Variants in SNCAIP observed in about 807,000 individuals in gnomAD.
SNCAIP encodes synphilin-1.
In SNCAIP, 43 loss-of-function variants were observed where a neutral mutation model predicts 86.7. The observed-to-expected ratio is 0.50, with a 90% CI of 0.39 to 0.64. The LOEUF is 0.64. Among genes scored for constraint, SNCAIP ranks in the 30% least tolerant of loss-of-function variants. The pLI is 0.00. For synonymous variants in SNCAIP, 417 were observed against 427.2 expected, an observed-to-expected ratio of 0.98 and a Z score of 0.29; for missense variants, 981 against 1,103.1, an observed-to-expected ratio of 0.89 and a Z score of 1.57.
intron 1 of SNCAIP, among the ~76,000 whole-genome samples, chr5:122,390,333 A>T (rs1035846441): frequency 5.3e-5 from 8 of 152,130 alleles, no homozygotes; most frequent in Admixed American, 5.2e-4. Context: ...GGATGATGAT[A>T]AGTGATGGGA....
chr5:122,423,628 G>A lies in SNCAIP; in HGVS notation c.891G>A (p.Gln297=). Residue 297 remains glutamine (Q), a synonymous_variant, in exon 4 of 11, where the codon CAG becomes CAA. Transcript: ENST00000261368. ...CAGCAGAATCCAAACCAGAAGAGCAGGTCAGTGGCCTAAACCGGACCAGCT... is the reference window on the plus strand; with the variant it reads ...CAGCAGAATCCAAACCAGAAGAGCAAGTCAGTGGCCTAAACCGGACCAGCT... ...SSAAESKPEE[Q]VSGLNRTSSQ... 1 of 1,613,704 alleles carries A rather than the reference G, an allele frequency of 6.2e-7. No homozygotes were observed. The highest frequency in any genetic ancestry group is 8.5e-7 in the Non-Finnish European group (1 of 1,180,022).
In SNCAIP at chr5:122,422,256, C is replaced by T. The variant is rs144193816; in HGVS notation, c.131-612C>T. 4.8e-3 allele frequency among the ~76,000 whole-genome samples: 737 copies of T among 152,262 alleles called. 8 individuals carry two copies. Among genetic ancestry groups the T allele is most frequent in the African/African-American group, 0.017 (700 of 41,542 alleles). On this transcript the variant is annotated intron_variant, in intron 3 of 10. Transcript: ENST00000261368. ...GGTTAACTCAACTATGTCTTCTCTCCCACAGTCCTTTCAACTCCTGAGCAC... is the reference window on the plus strand; with the variant it reads ...GGTTAACTCAACTATGTCTTCTCTCTCACAGTCCTTTCAACTCCTGAGCAC...
chr5:122,329,801 G>C (rs1754880420), intron 1 of SNCAIP, among the ~76,000 whole-genome samples: 1 of 152,150 alleles, frequency 6.6e-6, no homozygotes, highest in Non-Finnish European at 1.5e-5. Context: ...CAGTTTTCAA[G>C]TAAATATGGA....
intron 1 of SNCAIP, among the ~76,000 whole-genome samples, chr5:122,323,781 C>T (rs1171261764): frequency 2.6e-5 from 4 of 152,164 alleles, no homozygotes; most frequent in African/African-American, 9.7e-5. Flanking sequence ...CAAATTAGTA[C>T]AGAAATTCGA....
chr5:122,341,525 G>A (rs973792062), intron 1 of SNCAIP, among the ~76,000 whole-genome samples: 2 of 152,282 alleles, frequency 1.3e-5, no homozygotes, highest in Non-Finnish European at 2.9e-5. Context: ...AGGCAAACCC[G>A]CTTAAAGATT....
chr5:122,428,465 A>C (rs1295149777), intron 5 of SNCAIP, among the ~76,000 whole-genome samples: 1 of 152,172 alleles, frequency 6.6e-6, no homozygotes, highest in Non-Finnish European at 1.5e-5. Flanking sequence ...ACAGACATCT[A>C]ATAGAACACT....
chr5:122,444,385 T>G, intron 7 of SNCAIP, 178 bp from the exon 8 acceptor site: 1 of 670,118 alleles, frequency 1.5e-6, no homozygotes, highest in Non-Finnish European at 2.7e-6. Context: ...CAGATGAGCA[T>G]TGATAGTAGT....
At position 122,426,267 on chromosome 5, in the gene SNCAIP, T is replaced by C. The variant is rs549324717; in HGVS notation, c.1182+736T>C. Reference sequence around the variant, plus strand: ...GCCAGAAGTGACATTCAGGGAAATATAATACATCTTGTATTTTTGCATATG... The same window carrying C: ...GCCAGAAGTGACATTCAGGGAAATACAATACATCTTGTATTTTTGCATATG... On this transcript the variant is annotated intron_variant, in intron 5 of 10. Coordinates refer to ENST00000261368, the MANE Select transcript of SNCAIP (RefSeq NM_005460.4). 7.9e-5 allele frequency among the ~76,000 whole-genome samples: 12 copies of C among 152,360 alleles called. No homozygotes were observed. The South Asian group carries it at 2.5e-3, about 32-fold the overall frequency.
At chr5:122,404,874 T>C (rs1772631211) in intron 3 of SNCAIP, among the ~76,000 whole-genome samples, 1 of 152,208 alleles carries the variant, frequency 6.6e-6, no homozygotes, top group South Asian at 2.1e-4. Flanking sequence ...TCTTTCTAGG[T>C]TTGTTTATCT....
chr5:122,446,666 G>C (rs1389121089), intron 8 of SNCAIP, among the ~76,000 whole-genome samples: 1 of 152,170 alleles, frequency 6.6e-6, no homozygotes, highest in Non-Finnish European at 1.5e-5. Flanking sequence ...GTATATCTAG[G>C]TGAAGTTGGC....
intron 6 of SNCAIP, among the ~76,000 whole-genome samples, chr5:122,439,117 G>A (rs1561773048): frequency 6.6e-6 from 1 of 152,182 alleles, no homozygotes; most frequent in Non-Finnish European, 1.5e-5. Context: ...AAAAAACAAA[G>A]GAACTGCTTT....
chr5:122,403,339 C>T (rs1328931322), intron 2 of SNCAIP, among the ~76,000 whole-genome samples: 7 of 152,282 alleles, frequency 4.6e-5, no homozygotes, highest in Middle Eastern at 6.8e-3. Context: ...CAGTCAGCAT[C>T]GGCACAGACA....
At chr5:122,383,204 G>A (rs1366021525) in intron 1 of SNCAIP, among the ~76,000 whole-genome samples, 6 of 152,212 alleles carry the variant, frequency 3.9e-5, no homozygotes, top group Admixed American at 1.3e-4. Flanking sequence ...CTCCGTGGGC[G>A]TAGGACCCTC....
chr5:122,365,781 C>G (rs1763056274), intron 1 of SNCAIP, among the ~76,000 whole-genome samples: 1 of 152,214 alleles, frequency 6.6e-6, no homozygotes, highest in South Asian at 2.1e-4. Flanking sequence ...ATGCCAAACT[C>G]TGTGCTGAGC....
intron 1 of SNCAIP, among the ~76,000 whole-genome samples, chr5:122,363,396 G>A (rs1762563143): frequency 1.3e-5 from 2 of 152,130 alleles, no homozygotes; most frequent in Non-Finnish European, 2.9e-5. Flanking sequence ...AGTTGGCATT[G>A]CTCCCTGGAA....
intron 3 of SNCAIP, among the ~76,000 whole-genome samples, chr5:122,420,225 C>T (rs1213092473): frequency 1.3e-5 from 2 of 152,152 alleles, no homozygotes; most frequent in Non-Finnish European, 2.9e-5. Flanking sequence ...GACGTGTTTT[C>T]GTAAGACCCA....
At chr5:122,459,085 C>A (rs912168457) in intron 10 of SNCAIP, among the ~76,000 whole-genome samples, 1 of 152,180 alleles carries the variant, frequency 6.6e-6, no homozygotes, top group African/African-American at 2.4e-5. Context: ...ACAAGTCCAC[C>A]TACCCACAGT....
At chr5:122,370,915 C>G (rs1764146369) in intron 1 of SNCAIP, among the ~76,000 whole-genome samples, 1 of 152,156 alleles carries the variant, frequency 6.6e-6, no homozygotes, top group Admixed American at 6.6e-5. Flanking sequence ...AATAGCATCA[C>G]TTAGACAATT....
At chr5:122,451,670 T>C (rs1034811388) in intron 10 of SNCAIP, 69 bp downstream of exon 10, 5 of 1,209,366 alleles carry the variant, frequency 4.1e-6, no homozygotes, top group East Asian at 2.4e-5. Flanking sequence ...ATATCACAGA[T>C]TGTGGGCCCA....
Sources: gnomAD v4.1 joint callset for allele counts (sites outside exome capture counted in the v4.1 genomes callset) on GRCh38, gnomAD v4.1.1 for gene constraint, MANE v1.5 for transcripts, NCBI Gene and HGNC (gene_info 2026-07-23, HGNC 2026-07-21) for gene names.